FAM117B: variants seen among roughly 807,000 people sequenced by gnomAD.
FAM117B encodes family with sequence similarity 117 member B.
Under a neutral mutation model 52.8 loss-of-function variants are expected in FAM117B, and 22 were observed. The observed-to-expected ratio is 0.42, with a 90% CI of 0.30 to 0.59. The LOEUF is 0.59. FAM117B is among the 20% of genes least tolerant of loss of function. The pLI is 0.22. For synonymous variants in FAM117B, 309 were observed against 324.1 expected, an observed-to-expected ratio of 0.95 and a Z score of 0.50; for missense variants, 678 against 802.6, an observed-to-expected ratio of 0.84 and a Z score of 1.88.
chr2:202,676,012 A>G (rs1171660899), intron 1 of FAM117B, among the ~76,000 whole-genome samples: 1 of 151,084 alleles, frequency 6.6e-6, no homozygotes, highest in Non-Finnish European at 1.5e-5. Flanking sequence ...AAAAGAATAT[A>G]GCAAAAGTGA....
intron 1 of FAM117B, among the ~76,000 whole-genome samples, chr2:202,639,696 A>G (rs183584426): frequency 6.6e-6 from 1 of 152,306 alleles, no homozygotes; most frequent in African/African-American, 2.4e-5. Context: ...TATCTGTGAA[A>G]TGGGTGGTGA....
At chr2:202,760,825 C>T (rs1691875244) in intron 7 of FAM117B, among the ~76,000 whole-genome samples, 1 of 152,100 alleles carries the variant, frequency 6.6e-6, no homozygotes, top group African/African-American at 2.4e-5. Context: ...TATTTTGGAA[C>T]TGGAAAGCAG....
chr2:202,699,340 T>C (rs2105778055), intron 2 of FAM117B, among the ~76,000 whole-genome samples: 1 of 147,136 alleles, frequency 6.8e-6, no homozygotes, highest in East Asian at 2.0e-4. Context: ...GACAGGAGAA[T>C]TGCTTGAACC....
intron 1 of FAM117B, among the ~76,000 whole-genome samples, chr2:202,683,343 C>A (rs1203468218): frequency 6.6e-6 from 1 of 151,464 alleles, no homozygotes; most frequent in Admixed American, 6.6e-5. Context: ...AAACAAAAAA[C>A]CAAAACAAAA....
At chr2:202,640,154 C>A (rs1226295441) in intron 1 of FAM117B, among the ~76,000 whole-genome samples, 1 of 150,758 alleles carries the variant, frequency 6.6e-6, no homozygotes, top group East Asian at 2.0e-4. Context: ...GCCTATAATC[C>A]CAGCTACCGG....
chr2:202,740,617 C>G (rs1420746809), intron 4 of FAM117B, among the ~76,000 whole-genome samples: 3 of 152,094 alleles, frequency 2.0e-5, no homozygotes, highest in Non-Finnish European at 2.9e-5. Context: ...TTCAGCTATT[C>G]TAAATCTAAA....
intron 1 of FAM117B, among the ~76,000 whole-genome samples, chr2:202,637,929 T>TTCA (rs1689712784): frequency 6.7e-6 from 1 of 148,206 alleles, no homozygotes; most frequent in African/African-American, 2.5e-5. Flanking sequence ...TAGGCTGGAG[T>TTCA]GCAATGGGGC....
At chr2:202,651,033 T>C (rs945546881) in intron 1 of FAM117B, among the ~76,000 whole-genome samples, 5 of 151,948 alleles carry the variant, frequency 3.3e-5, no homozygotes, top group Admixed American at 6.6e-5. Flanking sequence ...ATGATTATTT[T>C]TGGATGTTCC....
chr2:202,649,786 A>G (rs1689930387), intron 1 of FAM117B, among the ~76,000 whole-genome samples: 2 of 152,254 alleles, frequency 1.3e-5, no homozygotes, highest in East Asian at 1.9e-4. Context: ...TCCTGACCTC[A>G]AGTGATCTGC....
intron 1 of FAM117B, among the ~76,000 whole-genome samples, chr2:202,661,077 C>G (rs967114392): frequency 1.3e-5 from 2 of 152,244 alleles, no homozygotes; most frequent in Non-Finnish European, 2.9e-5. Context: ...GCCCTTGAAT[C>G]TAATCCAGGA....
chr2:202,650,351 G>C (rs941819936), intron 1 of FAM117B, among the ~76,000 whole-genome samples: 1 of 152,110 alleles, frequency 6.6e-6, no homozygotes, highest in African/African-American at 2.4e-5. Context: ...CATAAATGCT[G>C]TTAAAATTTT....
At chr2:202,643,668 C>G (rs1689808541) in intron 1 of FAM117B, among the ~76,000 whole-genome samples, 1 of 152,118 alleles carries the variant, frequency 6.6e-6, no homozygotes, top group Admixed American at 6.5e-5. Context: ...CCACTTTCAA[C>G]TCTTAGAGGT....
At chr2:202,697,260 A>T (rs1690724688) in intron 2 of FAM117B, among the ~76,000 whole-genome samples, 1 of 152,164 alleles carries the variant, frequency 6.6e-6, no homozygotes, top group Non-Finnish European at 1.5e-5. Flanking sequence ...AACATTCACT[A>T]GATAGTAAGA....
intron 2 of FAM117B, among the ~76,000 whole-genome samples, chr2:202,696,650 G>A (rs1011113515): frequency 3.3e-5 from 5 of 152,108 alleles, no homozygotes; most frequent in East Asian, 1.9e-4. Flanking sequence ...TTCATGTTTC[G>A]GGAGATGGGG....
At chr2:202,738,903 T>A (rs1182952563) in intron 4 of FAM117B, among the ~76,000 whole-genome samples, 1 of 152,128 alleles carries the variant, frequency 6.6e-6, no homozygotes, top group Non-Finnish European at 1.5e-5. Flanking sequence ...TAAAACCTTA[T>A]GTCGGCCAGG....
intron 1 of FAM117B, among the ~76,000 whole-genome samples, chr2:202,672,521 C>T (rs560979575): frequency 6.6e-6 from 1 of 152,190 alleles, no homozygotes; most frequent in South Asian, 2.1e-4. Context: ...GCACTATTTT[C>T]TTTTTTTATT....
chr2:202,635,367 C>G lies in FAM117B; in HGVS notation c.180C>G (p.Gly60=). Residue 60 remains glycine (G), a synonymous_variant, in exon 1 of 8, where the codon GGC becomes GGG. Transcript: ENST00000392238. The stretch of plus-strand genomic sequence containing the variant: ...GCAGCCCCACGCGGAGCGGCGGCGG[C>G]GGCGGCGGCAACAACAACGGTGGCT... ...QHGSPTRSGG[G]GGGNNNGGCC... 7.3e-7 allele frequency: 1 copy of G among 1,370,660 alleles called. No homozygotes were observed. Among genetic ancestry groups the G allele is most frequent in the South Asian group, 1.7e-5 (1 of 58,620 alleles). 84.9% of individuals were successfully genotyped at this position (1,370,660 alleles called of 1,614,324 possible).
At position 202,757,333 on chromosome 2, in the gene FAM117B, C is replaced by T. The variant is rs766356673; in HGVS notation, c.1225C>T (p.Arg409Cys). 9.9e-6 allele frequency: 16 copies of T among 1,614,010 alleles called. No homozygotes were observed. The highest frequency in any genetic ancestry group is 5.3e-5 in the African/African-American group (4 of 74,888). The change falls in exon 6 of 8, where the codon CGT becomes TGT. Residue 409 changes from arginine to cysteine, a missense_variant. Physicochemically the swap from Arg to Cys is radical, Grantham distance 180 (BLOSUM62 -3). Coordinates refer to ENST00000392238, the MANE Select transcript of FAM117B (RefSeq NM_173511.4). ...AGACAGGGGAAGCAACAACAGCAGC[C>T]GTTCCCAGTCCGTGTCCCCAACATC... ...GADRGSNNSS[R>C]SQSVSPTSFL...
intron 1 of FAM117B, among the ~76,000 whole-genome samples, chr2:202,648,852 C>A (rs1385465635): frequency 6.6e-6 from 1 of 151,910 alleles, no homozygotes; most frequent in Non-Finnish European, 1.5e-5. Context: ...ACCTCTGACT[C>A]CCGGGTTCAG....
Sources: allele counts gnomAD v4.1 joint callset (sites outside exome capture counted in the v4.1 genomes callset), GRCh38; gene constraint gnomAD v4.1.1; transcripts MANE v1.5; gene names NCBI Gene and HGNC (gene_info 2026-07-23, HGNC 2026-07-21).